Variants in MICAL3 observed in about 807,000 individuals in gnomAD.
The protein encoded by MICAL3 is microtubule associated monooxygenase, calponin and LIM domain containing 3, also known as [F-actin]-monooxygenase MICAL3.
A neutral mutation model predicts 207.4 loss-of-function variants in MICAL3; 62 were observed. The observed-to-expected ratio is 0.30, with a 90% CI of 0.24 to 0.37. MICAL3 has a LOEUF of 0.37. Among genes scored for constraint, MICAL3 ranks in the 10% least tolerant of loss-of-function variants. The pLI, the probability that MICAL3 is intolerant of heterozygous loss-of-function variation, is 1.00. For missense variants in MICAL3, 2,368 were observed against 2,635.6 expected (o/e 0.90, Z 2.22); for synonymous variants, 1,077 against 1,069.3 (o/e 1.01, Z -0.14).
At position 17,970,405 on chromosome 22, in the gene MICAL3, G is replaced by C. The variant is rs559738129; in HGVS notation, c.-75+53876C>G. ...CTGACCAGCTGCAGGGCCATGATCA[G>C]AGGATCTTCGTGATCTGCCGCAGGG... On this transcript the variant is annotated intron_variant, in intron 1 of 31. Transcript: ENST00000441493. 3.3e-5 allele frequency among the ~76,000 whole-genome samples: 5 copies of C among 152,328 alleles called. No homozygotes were observed. The East Asian group carries it at 7.7e-4, about 23-fold the overall frequency.
chr22:17,997,533 C>T (rs1922427757), intron 1 of MICAL3, among the ~76,000 whole-genome samples: 1 of 152,174 alleles, frequency 6.6e-6, no homozygotes, highest in Non-Finnish European at 1.5e-5. Flanking sequence ...CCGTCCAACC[C>T]CACCTCCCAT....
rs5992941 is a variant in MICAL3 at position 17,980,981 on chromosome 22, T to G, written c.-75+43300A>C. On this transcript the variant is annotated intron_variant, in intron 1 of 31. Transcript: ENST00000441493. ...TGTGATCATCTGTCTATTGGTCCCC[T>G]CCAGACACTGTGGACTGCAGGAGGG... is the stretch of plus-strand genomic sequence containing the variant. 2,180 of 491,832 alleles carry G rather than the reference T, an allele frequency of 4.4e-3. 15 individuals carry two copies. Among genetic ancestry groups the G allele is most frequent in the African/African-American group, 0.012 (607 of 51,046 alleles). The allele number at this position is 491,832 out of a possible 1,614,324, so 30.5% of individuals were successfully genotyped here.
Position 17,891,564 on chromosome 22 carries a change from T to C in MICAL3, c.1615A>G (p.Asn539Asp). 1 of 1,613,998 alleles carries C rather than the reference T, an allele frequency of 6.2e-7. No homozygotes were observed. Among genetic ancestry groups the C allele is most frequent in the Non-Finnish European group, 8.5e-7 (1 of 1,179,870 alleles). Residue 539 changes from asparagine to aspartate, a missense_variant, in exon 12 of 32, where the codon AAC (asparagine) becomes GAC (aspartate). Asn to Asp is a conservative substitution (Grantham distance 23, BLOSUM62 1). This residue lies in a region of MICAL3 where 51 missense variants were observed against 87.8 expected (regional missense o/e 0.58). Coordinates refer to ENST00000441493, the MANE Select transcript of MICAL3 (RefSeq NM_015241.3). Reference sequence around the variant, plus strand: ...CAGGACATGGTGAGATCTGTCACGTTTACCCCTGCATAGCCATCTGTCTGC... The same window carrying C: ...CAGGACATGGTGAGATCTGTCACGTCTACCCCTGCATAGCCATCTGTCTGC... ...QRQTDGYAGV[N>D]VTDLTMSWKS...
chr22:18,001,515 G>C (rs534582919), intron 1 of MICAL3: 6 of 152,416 alleles, frequency 3.9e-5, no homozygotes, highest in Non-Finnish European at 8.8e-5. Flanking sequence ...GCAGCCGGGG[G>C]ATGGGCGGGC....
At chr22:17,979,582 T>C (rs1044673239) in intron 1 of MICAL3, among the ~76,000 whole-genome samples, 3 of 151,992 alleles carry the variant, frequency 2.0e-5, no homozygotes, top group African/African-American at 7.3e-5. Context: ...AGAATAGAGA[T>C]GTTGAGTCTT....
At chr22:17,898,432 C>T (rs1602174958) in intron 7 of MICAL3, among the ~76,000 whole-genome samples, 1 of 152,364 alleles carries the variant, frequency 6.6e-6, no homozygotes, top group African/African-American at 2.4e-5. Context: ...GAGAAACACA[C>T]GCAAGGTTCC....
chr22:17,972,478 G>C (rs1374945113), intron 1 of MICAL3, among the ~76,000 whole-genome samples: 3 of 152,176 alleles, frequency 2.0e-5, no homozygotes, highest in Non-Finnish European at 4.4e-5. Context: ...ACGGGAGTAG[G>C]GACAGCAAGG....
chr22:17,950,672 A>C (rs1934302845), intron 1 of MICAL3, among the ~76,000 whole-genome samples: 1 of 152,036 alleles, frequency 6.6e-6, no homozygotes, highest in African/African-American at 2.4e-5. Context: ...AGCACTCCTA[A>C]ACTGCACCAC....
intron 1 of MICAL3, among the ~76,000 whole-genome samples, chr22:17,993,543 T>C (rs2401493): frequency 2.0e-5 from 3 of 152,226 alleles, no homozygotes; most frequent in Non-Finnish European, 4.4e-5. Flanking sequence ...GAAGGGCTTC[T>C]TCATCTTTTC....
chr22:17,939,625 C>T (rs542527653), intron 1 of MICAL3, among the ~76,000 whole-genome samples: 1 of 152,370 alleles, frequency 6.6e-6, no homozygotes, highest in East Asian at 1.9e-4. Flanking sequence ...ACCTGCCTCT[C>T]TCTGCAATTC....
At chr22:17,850,561 G>T (rs756434170) in intron 19 of MICAL3, among the ~76,000 whole-genome samples, 1 of 151,806 alleles carries the variant, frequency 6.6e-6, no homozygotes, top group Non-Finnish European at 1.5e-5. Flanking sequence ...ACAGGCGCCT[G>T]CCATCATGCC....
chr22:17,870,406 T>C (rs1403630300), intron 17 of MICAL3, among the ~76,000 whole-genome samples: 1 of 152,188 alleles, frequency 6.6e-6, no homozygotes. Context: ...CACACACTCG[T>C]GTCGCCTGCT....
At chr22:17,975,299 C>T (rs564239228) in intron 1 of MICAL3, among the ~76,000 whole-genome samples, 2 of 152,204 alleles carry the variant, frequency 1.3e-5, no homozygotes, top group South Asian at 2.1e-4. Context: ...TTCAAAATTA[C>T]ACTTGCTAGA....
intron 16 of MICAL3, among the ~76,000 whole-genome samples, chr22:17,882,447 C>T (rs569705227): frequency 3.4e-4 from 52 of 152,284 alleles, no homozygotes; most frequent in African/African-American, 1.2e-3. Context: ...TGCGGAGGGC[C>T]AGCCATGGGA....
At chr22:17,882,586 T>A (rs1207620005) in intron 16 of MICAL3, among the ~76,000 whole-genome samples, 2 of 152,262 alleles carry the variant, frequency 1.3e-5, no homozygotes, top group Non-Finnish European at 2.9e-5. Flanking sequence ...GATTTAGAGC[T>A]GAGAAAGTTC....
intron 1 of MICAL3, among the ~76,000 whole-genome samples, chr22:17,965,279 T>C (rs1177490564): frequency 6.6e-6 from 1 of 152,082 alleles, no homozygotes; most frequent in African/African-American, 2.4e-5. Context: ...AATGACTTTT[T>C]ACAGGATTGC....
At chr22:17,931,898 G>A (rs1933283532) in intron 1 of MICAL3, among the ~76,000 whole-genome samples, 1 of 152,214 alleles carries the variant, frequency 6.6e-6, no homozygotes, top group African/African-American at 2.4e-5. Flanking sequence ...TATTTATTGA[G>A]TGCACAGTAT....
Position 17,818,134 on chromosome 22 carries a change from CA to C in MICAL3, c.4526del (p.Val1509GlyfsTer96). 6.2e-7 allele frequency: 1 copy of C among 1,609,362 alleles called. No homozygotes were observed. The highest frequency in any genetic ancestry group is 1.3e-5 in the African/African-American group (1 of 74,894). ...REPAQPPREE[V>X]RKSFVESVEE... The stretch of plus-strand genomic sequence containing the variant: ...CCACGCTCTCCACAAACGACTTCCG[CA>C]CCTCCTCTCTGGGGGGCTGAGCAGG... On this transcript the variant is annotated frameshift_variant, in exon 26 of 32. Transcript: ENST00000441493. LOFTEE classifies it high-confidence loss of function.
chr22:17,860,908 C>T, intron 19 of MICAL3: 2 of 985,396 alleles, frequency 2.0e-6, no homozygotes, highest in Non-Finnish European at 2.4e-6. Context: ...TTAGAAACAG[C>T]TTCACAATTA....
Sources: gnomAD v4.1 joint callset for allele counts (sites outside exome capture counted in the v4.1 genomes callset) on GRCh38, gnomAD v4.1.1 for gene constraint, gnomAD v4.1.1 regional missense constraint, MANE v1.5 for transcripts, NCBI Gene and HGNC (gene_info 2026-07-23, HGNC 2026-07-21) for gene names.